Variants in LPL observed in about 807,000 individuals in gnomAD.
LPL encodes lipoprotein lipase.
A neutral mutation model predicts 52.2 loss-of-function variants in LPL; 43 were observed. The observed-to-expected ratio is 0.82, with a 90% CI of 0.64 to 1.06. LPL has a LOEUF of 1.06. Ranked by LOEUF, LPL falls within the 50% of genes least tolerant of loss-of-function variation. LPL has a pLI of 0.00. For missense variants in LPL, 639 were observed against 585.3 expected (o/e 1.09, Z -0.95); for synonymous variants, 244 against 215.6 (o/e 1.13, Z -1.15).
At chr8:19,958,081 G>A (rs915939368) in intron 6 of LPL, among the ~76,000 whole-genome samples, 13 of 151,530 alleles carry the variant, frequency 8.6e-5, no homozygotes, top group East Asian at 3.9e-4. Flanking sequence ...GTGCAGCGGC[G>A]CAATCTTAGC....
rs189707066 is a variant in LPL, at chr8:19,944,062, C to T, written c.89-4118C>T. Among the ~76,000 whole-genome samples the T allele has an allele frequency of 2.6e-5, 4 of 152,158 alleles. No homozygotes were observed. The highest frequency in any genetic ancestry group is 6.5e-5 in the Admixed American group (1 of 15,286). On this transcript the variant is annotated intron_variant, in intron 1 of 9. Coordinates refer to ENST00000650287, the MANE Select transcript of LPL (RefSeq NM_000237.3). The surrounding 1 kb of genome is among the most constrained non-coding windows in gnomAD (Gnocchi z 4.2). ...ATTAGCCAGGCGTGGTGGCAGGCAC[C>T]TGTAATCCCGGCTACTCGGGAGGCT...
chr8:19,951,094 C>G (rs2069930676), intron 2 of LPL, among the ~76,000 whole-genome samples: 1 of 152,176 alleles, frequency 6.6e-6, no homozygotes, highest in Non-Finnish European at 1.5e-5. Context: ...AGGAGGCTCT[C>G]CAGCTGTGTC....
Position 19,939,472 on chromosome 8 carries a change from T to C in LPL, c.32T>C (p.Leu11Pro). Residue 11 changes from leucine (L) to proline (P), a missense_variant, in exon 1 of 10, where the codon CTG becomes CCG. Transcript: ENST00000650287. This position sits in a 1 kb window ranked among gnomAD's most constrained non-coding sequence, Gnocchi z 4.0. Reference protein sequence around the residue: MESKALLVLTLAVWLQSLTAS... With the variant: MESKALLVLTPAVWLQSLTAS... ...AGCAAAGCCCTGCTCGTGCTGACTC[T>C]GGCCGTGTGGCTCCAGAGTCTGACC... 6.2e-7 allele frequency: 1 copy of C among 1,610,966 alleles called. No homozygotes were observed. Among genetic ancestry groups the C allele is most frequent in the Non-Finnish European group, 8.5e-7 (1 of 1,179,106 alleles).
intron 7 of LPL, among the ~76,000 whole-genome samples, chr8:19,959,645 T>C (rs2070019579): frequency 6.6e-6 from 1 of 152,032 alleles, no homozygotes; most frequent in Non-Finnish European, 1.5e-5. Context: ...TGTTAAACAA[T>C]ATAATTAAAC....
At position 19,955,932 on chromosome 8, in the gene LPL, C is replaced by A. The variant is rs780013139; in HGVS notation, c.867C>A (p.Tyr289Ter). The change falls in exon 6 of 10, where the codon TAC becomes TAA. Residue 289 changes from tyrosine to a stop codon, truncating the protein, a stop_gained. Coordinates refer to ENST00000650287, the MANE Select transcript of LPL (RefSeq NM_000237.3). LOFTEE classifies it high-confidence loss of function. ...LLNEENPSKA[Y>*]RCSSKEAFEK... ...ATGAAGAAAATCCAAGTAAGGCCTA[C>A]AGGTGCAGTTCCAAGGAAGCCTTTG... 1 of 1,614,166 alleles carries A rather than the reference C, an allele frequency of 6.2e-7. No individual in the cohort carries two copies. Among genetic ancestry groups the A allele is most frequent in the Non-Finnish European group, 8.5e-7 (1 of 1,180,034 alleles).
intron 1 of LPL, among the ~76,000 whole-genome samples, chr8:19,947,803 G>T (rs183012744): frequency 6.6e-6 from 1 of 152,240 alleles, no homozygotes. Flanking sequence ...TACCAGGGTA[G>T]CCTCAGCCAA....
In LPL at chr8:19,950,923, A is replaced by AAGGAAGGGAGGG. The variant is rs2069929031; in HGVS notation, c.250-839_250-838insGAGGGAGGAAGG. On this transcript the variant is annotated intron_variant, in intron 2 of 9. Transcript: ENST00000650287. The surrounding 1 kb of genome is among the most constrained non-coding windows in gnomAD (Gnocchi z 4.2). ...GAAGGAAGGAAGGAAGGAATGAAGG[A>AAGGAAGGGAGGG]AGGAAGGAAGGGAGGGAGGAAGAAA... Among the ~76,000 whole-genome samples the AAGGAAGGGAGGG allele has an allele frequency of 6.9e-6, 1 of 145,766 alleles. No individual in the cohort carries two copies. The highest frequency in any genetic ancestry group is 1.6e-5 in the Non-Finnish European group (1 of 64,510).
intron 6 of LPL, among the ~76,000 whole-genome samples, 182 bp downstream of exon 6, chr8:19,956,265 C>A (rs547585811): frequency 6.6e-6 from 1 of 152,292 alleles, no homozygotes; most frequent in Non-Finnish European, 1.5e-5. Flanking sequence ...GCTTCTAATT[C>A]CCATTGTCAG....
Position 19,944,473 on chromosome 8 carries a change from G to T in LPL, c.89-3707G>T, listed in dbSNP as rs1014631874. ...GGGGGGAGAGAGAGAGAAAGGGGTG[G>T]GGGGATAACAGGAGAACAGAAATTC... On this transcript the variant is annotated intron_variant, in intron 1 of 9. Transcript: ENST00000650287. This position sits in a 1 kb window ranked among gnomAD's most constrained non-coding sequence, Gnocchi z 4.2. 7.2e-6 allele frequency among the ~76,000 whole-genome samples: 1 copy of T among 139,660 alleles called. No homozygotes were observed. The highest frequency in any genetic ancestry group is 2.6e-5 in the African/African-American group (1 of 38,186). 91.6% of individuals were successfully genotyped at this position (139,660 alleles called of 152,430 possible). A position where few individuals can be genotyped will look rare whatever the true frequency, so the allele number is the denominator to read the frequency against.
intron 9 of LPL, 96 bp from the exon 10 acceptor site, chr8:19,965,214 A>G (rs1380972285): frequency 1.3e-6 from 1 of 762,468 alleles, no homozygotes; most frequent in African/African-American, 1.7e-5. Flanking sequence ...ATTCCATTTG[A>G]AGGCTTTTTC....
In LPL at chr8:19,942,083, G is replaced by T. The variant is rs2069846041; in HGVS notation, c.88+2555G>T. Among the ~76,000 whole-genome samples, 3 of 152,198 alleles carry T rather than the reference G, an allele frequency of 2.0e-5. No homozygotes were observed. The South Asian group carries it at 6.2e-4, about 32-fold the overall frequency. ...AGGAGAGCTCAGCGAGGGAGTGATT[G>T]ATTAATAGCTGTATTGAAAGGTGGG... On this transcript the variant is annotated intron_variant, in intron 1 of 9. Transcript: ENST00000650287.
At chr8:19,962,673 C>T (rs535594967) in intron 9 of LPL, among the ~76,000 whole-genome samples, 15 of 152,276 alleles carry the variant, frequency 9.9e-5, no homozygotes, top group Admixed American at 7.8e-4. Context: ...CCACATAGTT[C>T]TTGATTCTCC....
chr8:19,948,266 G>A lies in LPL; in HGVS notation c.175G>A (p.Gly59Arg), dbSNP rs375484335. The change falls in exon 2 of 10, where the codon GGA becomes AGA. Residue 59 changes from glycine to arginine, a missense_variant. Coordinates refer to ENST00000650287, the MANE Select transcript of LPL (RefSeq NM_000237.3). ...TGAGGACACTTGCCACCTCATTCCC[G>A]GAGTAGCAGAGTCCGTGGCTACCTG... ...TAEDTCHLIP[G>R]VAESVATCHF... The A allele has an allele frequency of 2.1e-5, 34 of 1,614,054 alleles. No individual in the cohort carries two copies. The highest frequency in any genetic ancestry group is 8.9e-5 in the East Asian group (4 of 44,876).
chr8:19,948,350 G>T lies in LPL; in HGVS notation c.249+10G>T. ...GATCCATGGCTGGACGGTAAGGGAG[G>T]CTCTTTGGGGAAGAGTGGATTGGGG... On this transcript the variant is annotated intron_variant, in intron 2 of 9. Transcript: ENST00000650287. 6.2e-7 allele frequency: 1 copy of T among 1,613,620 alleles called. No individual in the cohort carries two copies. The highest frequency in any genetic ancestry group is 2.2e-5 in the East Asian group (1 of 44,862).
intron 2 of LPL, 91 bp downstream of exon 2, chr8:19,948,431 C>T (rs774835444): frequency 1.1e-4 from 161 of 1,412,022 alleles, no homozygotes; most frequent in Non-Finnish European, 1.5e-4. Flanking sequence ...GATGGGTCCG[C>T]ACCCCACATC....
At chr8:19,958,013 TTTATTTATTTATTTA>T (rs1310670764) in intron 6 of LPL, among the ~76,000 whole-genome samples, 3 of 150,288 alleles carry the variant, frequency 2.0e-5, no homozygotes, top group African/African-American at 7.3e-5. Context: ...TATTTATTTA[TTTATTTATTTATTTA>T]TTTATTTTTG....
At chr8:19,940,666 G>A (rs1272451298) in intron 1 of LPL, among the ~76,000 whole-genome samples, 1 of 152,218 alleles carries the variant, frequency 6.6e-6, no homozygotes, top group Admixed American at 6.5e-5. Context: ...GGGCGGTGTC[G>A]CTTGGATGTG....
chr8:19,963,619 A>C (rs996857442), intron 9 of LPL, among the ~76,000 whole-genome samples: 1 of 152,132 alleles, frequency 6.6e-6, no homozygotes, highest in Non-Finnish European at 1.5e-5. Context: ...AACCCCAATT[A>C]ACGTTTTTAT....
At chr8:19,948,401 C>G in intron 2 of LPL, 61 bp downstream of exon 2, 2 of 1,594,332 alleles carry the variant, frequency 1.3e-6, no homozygotes, top group Non-Finnish European at 1.7e-6. Context: ...ACTGGCCTGC[C>G]CAATTGTTGG....
Sources: gnomAD v4.1 joint callset for allele counts (sites outside exome capture counted in the v4.1 genomes callset) on GRCh38, gnomAD v4.1.1 for gene constraint, Gnocchi (gnomAD v3.1) non-coding constraint, MANE v1.5 for transcripts, NCBI Gene and HGNC (gene_info 2026-07-23, HGNC 2026-07-21) for gene names.